CATIP: variants seen among roughly 807,000 people sequenced by gnomAD.
The protein encoded by CATIP is ciliogenesis-associated TTC17-interacting protein.
CATIP carries 40 observed loss-of-function variants against 42.5 expected under a neutral mutation model. That is an observed-to-expected ratio of 0.94 (90% confidence interval 0.73 to 1.22). The LOEUF (loss-of-function observed/expected upper bound fraction) is 1.22, where lower values mean the gene tolerates loss of function less well. Ranked by LOEUF, CATIP falls within the 50% of genes most tolerant of loss-of-function variation. The probability of loss-of-function intolerance (pLI) is 0.00; values close to 1 mark genes in which losing one functional copy is unlikely to be tolerated. For synonymous variants in CATIP, 222 were observed against 200.2 expected, an observed-to-expected ratio of 1.11 and a Z score of -0.92; for missense variants, 489 against 496.0, an observed-to-expected ratio of 0.99 and a Z score of 0.13.
intron 3 of CATIP, 139 bp from the exon 4 acceptor site, chr2:218,357,898 T>C: frequency 1.9e-6 from 2 of 1,056,724 alleles, no homozygotes; most frequent in Non-Finnish European, 1.5e-6. Flanking sequence ...GGACTCGGGA[T>C]GAGGGCACAT....
intron 6 of CATIP, among the ~76,000 whole-genome samples, chr2:218,364,096 A>G (rs533209907): frequency 6.6e-6 from 1 of 152,304 alleles, no homozygotes; most frequent in South Asian, 2.1e-4. Flanking sequence ...TGTCTATCAA[A>G]ACACACCAAG....
At chr2:218,366,894 A>G (rs887270125) in intron 7 of CATIP, 130 bp from the exon 8 acceptor site, 110 of 725,666 alleles carry the variant, frequency 1.5e-4, no homozygotes, top group Middle Eastern at 1.3e-3. Flanking sequence ...TTATGACTGC[A>G]TGTAAACGTA....
At position 218,367,470 on chromosome 2, in the gene CATIP, G is replaced by A. The variant is rs1644001210; in HGVS notation, c.873G>A (p.Leu291=). The change falls in exon 9 of 10, where the codon CTG becomes CTA. Residue 291 remains leucine, a synonymous_variant. Transcript: ENST00000289388. ...GCCCAGTGTTTGAGAAGAAGCCCCT[G>A]GTATGGGAGGAGGATATGGAGCTCT... The part of the protein sequence containing the change: ...EPRPVFEKKP[L]VWEEDMELYS... 1.2e-6 allele frequency: 2 copies of A among 1,614,198 alleles called. No homozygotes were observed. The highest frequency in any genetic ancestry group is 4.5e-5 in the East Asian group (2 of 44,880).
Position 218,367,029 on chromosome 2 carries a change from T to C in CATIP, c.761T>C (p.Leu254Pro), listed in dbSNP as rs1441475817. 4 of 1,613,470 alleles carry C rather than the reference T, an allele frequency of 2.5e-6. No homozygotes were observed. Among genetic ancestry groups the C allele is most frequent in the Admixed American group, 1.7e-5 (1 of 60,008 alleles). Residue 254 changes from leucine (L) to proline (P), a missense_variant, in exon 8 of 10, where the codon CTG becomes CCG. Coordinates refer to ENST00000289388, the MANE Select transcript of CATIP (RefSeq NM_198559.2). ...CATGTTGTGTTGCACTCCAGGCACC[T>C]GGCCAAGAGAATACAGGTGGGCTCC... ...CQYYLLSDGH[L>P]AKRIQVGSPG...
intron 7 of CATIP, chr2:218,365,674 C>G (rs1695406568): frequency 6.6e-6 from 1 of 152,282 alleles, no homozygotes; most frequent in African/African-American, 2.4e-5. Flanking sequence ...AATCCACCTG[C>G]TTCAGCCTTC....
intron 3 of CATIP, 130 bp downstream of exon 3, chr2:218,357,864 G>A: frequency 9.0e-7 from 1 of 1,115,946 alleles, no homozygotes; most frequent in South Asian, 1.3e-5. Context: ...CACGGGGTGG[G>A]AGAGGGATGA....
intron 6 of CATIP, among the ~76,000 whole-genome samples, chr2:218,364,351 C>T (rs1695347138): frequency 6.9e-6 from 1 of 144,528 alleles, no homozygotes; most frequent in Non-Finnish European, 1.5e-5. Context: ...CCTACCTCTC[C>T]GCTCCCACAC....
chr2:218,362,633 CAA>C, intron 5 of CATIP, 100 bp from the exon 6 acceptor site: 1 of 1,158,706 alleles, frequency 8.6e-7, no homozygotes, highest in African/African-American at 1.6e-5. Context: ...AACTCTGTCT[CAA>C]AAAAAAACAA....
At position 218,357,140 on chromosome 2, in the gene CATIP, C is replaced by T; in HGVS notation, c.71C>T (p.Pro24Leu). The change falls in exon 2 of 10, where the codon CCA becomes CTA. Residue 24 changes from proline (P) to leucine (L), a missense_variant. Pro to Leu is a moderately conservative substitution (Grantham distance 98, BLOSUM62 -3). Coordinates refer to ENST00000289388, the MANE Select transcript of CATIP (RefSeq NM_198559.2). ...CAGCCCTCGGGTCCGGAGTGTCTGCCACTCCCAGAGGCCAATGCTGAAGCC... is the reference window on the plus strand; with the variant it reads ...CAGCCCTCGGGTCCGGAGTGTCTGCTACTCCCAGAGGCCAATGCTGAAGCC... Reference protein sequence around the residue: ...DHQPSGPECLPLPEANAEAID... With the variant: ...DHQPSGPECLLLPEANAEAID... 1 of 1,614,000 alleles carries T rather than the reference C, an allele frequency of 6.2e-7. No individual in the cohort carries two copies. Among genetic ancestry groups the T allele is most frequent in the Non-Finnish European group, 8.5e-7 (1 of 1,179,986 alleles).
Position 218,357,601 on chromosome 2 carries a change from T to C in CATIP, c.186T>C (p.Pro62=). Residue 62 remains proline (P), a synonymous_variant, in exon 3 of 10, where the codon CCT becomes CCC. Transcript: ENST00000289388. ...TLAMVSDTGE[P]QGELTIEVQR... is the part of the protein sequence containing the mutation. Reference sequence around the variant, plus strand: ...CCATGGTCTCAGACACCGGGGAGCCTCAGGGAGAGCTGACCATTGAGGTGC... The same window carrying C: ...CCATGGTCTCAGACACCGGGGAGCCCCAGGGAGAGCTGACCATTGAGGTGC... The C allele has an allele frequency of 6.2e-7, 1 of 1,614,036 alleles. No homozygotes were observed. Among genetic ancestry groups the C allele is most frequent in the South Asian group, 1.1e-5 (1 of 91,080 alleles).
chr2:218,362,619 G>A, intron 5 of CATIP, 116 bp from the exon 6 acceptor site: 1 of 1,028,456 alleles, frequency 9.7e-7, no homozygotes, highest in Non-Finnish European at 1.4e-6. Context: ...GTGACAAAAA[G>A]CGAAACTCTG....
chr2:218,367,758 C>A lies in CATIP; in HGVS notation c.958C>A (p.Gln320Lys). The A allele has an allele frequency of 6.2e-7, 1 of 1,609,166 alleles. No individual in the cohort carries two copies. The highest frequency in any genetic ancestry group is 1.7e-5 in the Admixed American group (1 of 59,844). Residue 320 changes from glutamine to lysine, a missense_variant, in exon 10 of 10, where the codon CAG (glutamine) becomes AAG (lysine). By Grantham distance (53) the Gln-to-Lys change is moderately conservative. Transcript: ENST00000289388. ...LRLGHASYLR[Q>K]HPEAHALISD... ...GCTCGGCCACGCCAGCTATCTGCGG[C>A]AGCACCCCGAAGCCCACGCGCTCAT...
In CATIP at chr2:218,363,435, G is replaced by A. The variant is rs542507598; in HGVS notation, c.630+533G>A. 8.6e-5 allele frequency among the ~76,000 whole-genome samples: 13 copies of A among 150,520 alleles called. No individual in the cohort carries two copies. In the East Asian group the frequency reaches 2.4e-3, roughly 27 times the overall value. ...CGGGAGGCAGAGCTTGCAGTGAGCC[G>A]AGATCGCGCCACTGCACTCCCGCCT... On this transcript the variant is annotated intron_variant, in intron 6 of 9. Transcript: ENST00000289388.
At chr2:218,363,485 C>CAA (rs35752655) in intron 6 of CATIP, among the ~76,000 whole-genome samples, 1 of 89,828 alleles carries the variant, frequency 1.1e-5, no homozygotes, top group Non-Finnish European at 2.2e-5. Context: ...GACTCTGTCT[C>CAA]AAAAAAAAAA....
Position 218,357,120 on chromosome 2 carries a change from C to T in CATIP, c.51C>T (p.Pro17=). The T allele has an allele frequency of 1.9e-6, 3 of 1,613,924 alleles. No individual in the cohort carries two copies. Among genetic ancestry groups the T allele is most frequent in the Non-Finnish European group, 2.5e-6 (3 of 1,179,938 alleles). The change falls in exon 2 of 10, where the codon CCC becomes CCT. Residue 17 remains proline, a synonymous_variant. Coordinates refer to ENST00000289388, the MANE Select transcript of CATIP (RefSeq NM_198559.2). ...STGSRAKDHQ[P]SGPECLPLPE... ...GCTCCAGAGCTAAGGACCACCAGCC[C>T]TCGGGTCCGGAGTGTCTGCCACTCC...
At chr2:218,362,268 G>T (rs913443232) in intron 5 of CATIP, among the ~76,000 whole-genome samples, 2 of 150,458 alleles carry the variant, frequency 1.3e-5, no homozygotes, top group Admixed American at 1.3e-4. Flanking sequence ...CAGGAAAGTC[G>T]CTTGAACCTG....
chr2:218,359,370 G>A (rs578042775), intron 4 of CATIP, among the ~76,000 whole-genome samples: 1 of 142,128 alleles, frequency 7.0e-6, no homozygotes, highest in East Asian at 2.0e-4. Flanking sequence ...AAAAATGTTG[G>A]GGATGGTTTC....
intron 2 of CATIP, 111 bp downstream of exon 2, chr2:218,357,298 T>C (rs1326390438): frequency 1.3e-6 from 1 of 781,912 alleles, no homozygotes; most frequent in Non-Finnish European, 2.0e-6. Flanking sequence ...TCTTCCTTGA[T>C]TCTCCTGGGA....
Position 218,362,902 on chromosome 2 carries a change from TGTAA to T in CATIP, c.630+2_630+5del. ...AGGGCAAACTCTGCTATTTGACCTA[TGTAA>T]GGGGTCCCCTTGGGCAGGGGACTTG... is the stretch of plus-strand genomic sequence containing the variant. On this transcript the variant is annotated splice_donor_variant and splice_donor_region_variant and intron_variant, in intron 6 of 9. Coordinates refer to ENST00000289388, the MANE Select transcript of CATIP (RefSeq NM_198559.2). LOFTEE classifies it high-confidence loss of function. The T allele has an allele frequency of 6.2e-7, 1 of 1,610,448 alleles. No homozygotes were observed. Among genetic ancestry groups the T allele is most frequent in the South Asian group, 1.1e-5 (1 of 90,940 alleles).
Sources: gnomAD v4.1 joint callset for allele counts (sites outside exome capture counted in the v4.1 genomes callset) on GRCh38, gnomAD v4.1.1 for gene constraint, MANE v1.5 for transcripts, NCBI Gene and HGNC (gene_info 2026-07-23, HGNC 2026-07-21) for gene names.